The following COL6A2 variants were observed in gnomAD, a reference collection of about 807,000 sequenced individuals.
The protein encoded by COL6A2 is collagen alpha-2(VI) chain.
In COL6A2, 90 loss-of-function variants were observed where a neutral mutation model predicts 124.9. That is an observed-to-expected ratio of 0.72 (90% CI 0.61 to 0.86). The LOEUF (loss-of-function observed/expected upper bound fraction) is 0.86. Among genes scored for constraint, COL6A2 ranks in the 40% least tolerant of loss-of-function variants. COL6A2 has a pLI of 0.00. For missense variants in COL6A2, 1,607 were observed against 1,502.5 expected (o/e 1.07, Z -1.15); for synonymous variants, 793 against 618.2 (o/e 1.28, Z -4.19).
intron 17 of COL6A2, 91 bp from the exon 18 acceptor site, chr21:46,121,465 G>T (rs2078564888): frequency 7.9e-7 from 1 of 1,266,636 alleles, no homozygotes; most frequent in Non-Finnish European, 1.1e-6. Flanking sequence ...ATGTGGCCTG[G>T]TGGTCAGGGC....
At chr21:46,104,343 A>G (rs1469807575) in intron 1 of COL6A2, among the ~76,000 whole-genome samples, 1 of 152,232 alleles carries the variant, frequency 6.6e-6, no homozygotes, top group Non-Finnish European at 1.5e-5. Flanking sequence ...GAAATTTTAA[A>G]AAGAAACCAA....
In COL6A2 at chr21:46,122,116, C is replaced by T. The variant is rs199842179; in HGVS notation, c.1530C>T (p.Pro510=). The T allele has an allele frequency of 2.8e-5, 45 of 1,612,676 alleles. 1 individual carries two copies. The South Asian group carries it at 4.1e-4, about 15-fold the overall frequency. ...DSGQPGPKGD[P]GRPGFSYPGP... is the part of the protein sequence containing the mutation. ...TCAACGTCCTCCTCCAGGGAGACCC[C>T]GGCAGGCCTGGATTCAGCTACCCAG... Residue 510 remains proline (P), a synonymous_variant, in exon 19 of 28, where the codon CCC becomes CCT. Coordinates refer to ENST00000300527, the MANE Select transcript of COL6A2 (RefSeq NM_001849.4).
In COL6A2 at chr21:46,116,419, TGACA is replaced by T. The variant is rs1325202306; in HGVS notation, c.927+20_927+23del. 6 of 1,612,526 alleles carry T rather than the reference TGACA, an allele frequency of 3.7e-6. No homozygotes were observed. In the African/African-American group the frequency reaches 5.3e-5, roughly 14 times the overall value. On this transcript the variant is annotated intron_variant, in intron 8 of 27. Coordinates refer to ENST00000300527, the MANE Select transcript of COL6A2 (RefSeq NM_001849.4). The surrounding 1 kb of genome is among the most constrained non-coding windows in gnomAD (Gnocchi z 4.6). ...AGGAGAGAAGGTGAGGCTCTTGCCC[TGACA>T]GACCTCAGACCTGCGCCAGCCTCGG...
intron 27 of COL6A2, chr21:46,129,158 C>A: frequency 6.2e-7 from 1 of 1,612,228 alleles, no homozygotes; most frequent in Admixed American, 1.7e-5. Context: ...CGACGCCCAC[C>A]GCAGGCCTTA....
At chr21:46,128,017 C>T (rs73161617) in intron 27 of COL6A2, among the ~76,000 whole-genome samples, 8,454 of 152,264 alleles carry the variant, frequency 0.056, 304 homozygotes, top group Middle Eastern at 0.11. Flanking sequence ...TTGCGCTTAT[C>T]GGCGACATCA....
chr21:46,106,641 G>A (rs546006602), intron 1 of COL6A2, among the ~76,000 whole-genome samples: 5 of 152,252 alleles, frequency 3.3e-5, no homozygotes, highest in African/African-American at 9.6e-5. Context: ...ACCATGTGAG[G>A]TAGTACCTTT....
intron 5 of COL6A2, among the ~76,000 whole-genome samples, chr21:46,115,434 AAG>A (rs776820457): frequency 6.6e-6 from 1 of 152,242 alleles, no homozygotes; most frequent in Non-Finnish European, 1.5e-5. Flanking sequence ...TTTTAATTCC[AAG>A]AGAGTGTAAC....
Position 46,112,369 on chromosome 21 carries a change from C to T in COL6A2, c.506C>T (p.Pro169Leu). The change falls in exon 3 of 28, where the codon CCC becomes CTC. Residue 169 changes from proline to leucine, a missense_variant. Around this residue, in one of 3 missense-constraint regions of COL6A2, gnomAD observed 342 missense variants for 381.5 expected, o/e 0.90. Transcript: ENST00000300527. ...VITDGHVTGSPCGGIKLQAER... is the reference protein window; with the variant it reads ...VITDGHVTGSLCGGIKLQAER... ...ACCGACGGCCACGTCACCGGCAGCC[C>T]CTGCGGGGGCATCAAGCTGCAGGCC... 1 of 1,608,346 alleles carries T rather than the reference C, an allele frequency of 6.2e-7. No homozygotes were observed.
intron 27 of COL6A2, among the ~76,000 whole-genome samples, 169 bp from the exon 28 acceptor site, chr21:46,131,785 G>A (rs528906198): frequency 6.6e-6 from 1 of 152,268 alleles, no homozygotes; most frequent in Admixed American, 6.5e-5. Flanking sequence ...AAAGTGTCTT[G>A]GGCTAAGGAC....
chr21:46,115,105 T>C (rs1029929790), intron 5 of COL6A2, among the ~76,000 whole-genome samples: 3 of 152,228 alleles, frequency 2.0e-5, no homozygotes, highest in Admixed American at 6.5e-5. Context: ...GGGAATGAAT[T>C]TGCCACTTGG....
intron 27 of COL6A2, chr21:46,129,741 T>C: frequency 7.3e-7 from 1 of 1,364,746 alleles, no homozygotes; most frequent in South Asian, 1.9e-5. Flanking sequence ...ATAAGAACCC[T>C]GGTCATTGAA....
intron 10 of COL6A2, among the ~76,000 whole-genome samples, 164 bp from the exon 11 acceptor site, chr21:46,117,235 CG>C (rs1217341031): frequency 6.6e-6 from 1 of 152,266 alleles, no homozygotes; most frequent in Non-Finnish European, 1.5e-5. Context: ...TCTGCCTCCC[CG>C]GAGACAGCTC....
At chr21:46,125,052 C>T (rs1230033874) in intron 23 of COL6A2, 132 bp downstream of exon 23, 31 of 1,259,912 alleles carry the variant, frequency 2.5e-5, no homozygotes, top group Non-Finnish European at 3.4e-5. Context: ...AGGGCAAGGT[C>T]AGAGAGCAAG....
chr21:46,112,334 C>T lies in COL6A2; in HGVS notation c.471C>T (p.Ala157=), dbSNP rs372298335. ...GCAGCAAGGGCACCGTCCACTTCGC[C>T]GTGGTCATCACCGACGGCCACGTCA... ...QDRSKGTVHF[A]VVITDGHVTG... is the part of the protein sequence containing the mutation. The change falls in exon 3 of 28, where the codon GCC becomes GCT. Residue 157 remains alanine, a synonymous_variant. Transcript: ENST00000300527. 2.1e-5 allele frequency: 34 copies of T among 1,610,760 alleles called. No individual in the cohort carries two copies. The highest frequency in any genetic ancestry group is 1.4e-4 in the South Asian group (13 of 90,988).
At chr21:46,118,446 C>T (rs1367995322) in intron 12 of COL6A2, among the ~76,000 whole-genome samples, 168 bp from the exon 13 acceptor site, 1 of 152,232 alleles carries the variant, frequency 6.6e-6, no homozygotes. Context: ...CCTCAGCTGG[C>T]ACGGAGGTTC....
In COL6A2 at chr21:46,119,138, T is replaced by TGC. The variant is rs762054025; in HGVS notation, c.1269+20_1269+21dup. 1.3e-5 allele frequency: 20 copies of TGC among 1,592,632 alleles called. No homozygotes were observed. The highest frequency in any genetic ancestry group is 2.7e-5 in the African/African-American group (2 of 74,526). On this transcript the variant is annotated intron_variant, in intron 14 of 27. Coordinates refer to ENST00000300527, the MANE Select transcript of COL6A2 (RefSeq NM_001849.4). ...CGAGCCGGTGAGTCCCTCCTGCCCC[T>TGC]GCCTCAGGGCCCCGCTCTGGGCATC...
rs754269869 is a variant in COL6A2, at chr21:46,111,987, G to T, written c.124G>T (p.Asp42Tyr). ...ERNNNCPEKT[D>Y]CPIHVYFVLD... is the part of the protein sequence containing the mutation. The stretch of plus-strand genomic sequence containing the variant: ...GGTCCTGTGCCCCACAGAGAAGACC[G>T]ACTGCCCCATCCACGTGTACTTCGT... The change falls in exon 3 of 28, where the codon GAC (aspartate) becomes TAC (tyrosine). Residue 42 changes from aspartate (D) to tyrosine (Y), a missense_variant. Coordinates refer to ENST00000300527, the MANE Select transcript of COL6A2 (RefSeq NM_001849.4). 6.2e-7 allele frequency: 1 copy of T among 1,611,852 alleles called. No individual in the cohort carries two copies. Among genetic ancestry groups the T allele is most frequent in the Non-Finnish European group, 8.5e-7 (1 of 1,179,986 alleles).
Position 46,124,673 on chromosome 21 carries a change from A to G in COL6A2, c.1694A>G (p.Glu565Gly), listed in dbSNP as rs752465605. 1.2e-6 allele frequency: 2 copies of G among 1,612,838 alleles called. No homozygotes were observed. Among genetic ancestry groups the G allele is most frequent in the Admixed American group, 1.7e-5 (1 of 60,004 alleles). The change falls in exon 22 of 28, where the codon GAG becomes GGG. Residue 565 changes from glutamate (E) to glycine (G), a missense_variant. Around this residue, in one of 3 missense-constraint regions of COL6A2, gnomAD observed 1,223 missense variants for 1,052.2 expected, o/e 1.16. Transcript: ENST00000300527. ...CAGGCGGATCCTGGTCCCCCTGGTG[A>G]GCCAGGCCCTCGGGGGCCAAGAGGA... The part of the protein sequence containing the change: ...GEPADPGPPG[E>G]PGPRGPRGVP...
chr21:46,126,036 G>C lies in COL6A2; in HGVS notation c.2221G>C (p.Asp741His), dbSNP rs1348937334. Reference sequence around the variant, plus strand: ...CGGGCGCCACGACCCTCGGGACGATGACCTCAACTTGCGGGCGCTGTGCGA... The same window carrying C: ...CGGGCGCCACGACCCTCGGGACGATCACCTCAACTTGCGGGCGCTGTGCGA... Reference protein sequence around the residue: ...TDGRHDPRDDDLNLRALCDRD... With the variant: ...TDGRHDPRDDHLNLRALCDRD... The change falls in exon 26 of 28, where the codon GAC (aspartate) becomes CAC (histidine). Residue 741 changes from aspartate (D) to histidine (H), a missense_variant. Transcript: ENST00000300527. 1 of 1,613,044 alleles carries C rather than the reference G, an allele frequency of 6.2e-7. No individual in the cohort carries two copies.
Sources: allele counts gnomAD v4.1 joint callset (sites outside exome capture counted in the v4.1 genomes callset), GRCh38; gene constraint gnomAD v4.1.1; regional missense constraint gnomAD v4.1.1; non-coding constraint Gnocchi (gnomAD v3.1); transcripts MANE v1.5; gene names NCBI Gene and HGNC (gene_info 2026-07-23, HGNC 2026-07-21).